The following INSR variants were observed in gnomAD, a reference collection of about 807,000 sequenced individuals.
The protein encoded by INSR is insulin receptor.
In INSR, 67 loss-of-function variants were observed where a neutral mutation model predicts 142.6. The ratio of observed to expected loss-of-function variants is 0.47; its 90% CI spans 0.39 to 0.58. The LOEUF (loss-of-function observed/expected upper bound fraction) is 0.58, where lower values mean the gene tolerates loss of function less well. Among genes scored for constraint, INSR ranks in the 20% least tolerant of loss-of-function variants. The pLI is 0.00. For synonymous variants in INSR, 756 were observed against 743.1 expected (o/e 1.02, Z -0.28); for missense variants, 1,248 against 1,833.2 (o/e 0.68, Z 5.83).
At chr19:7,162,763 T>C (rs542972754) in intron 9 of INSR, among the ~76,000 whole-genome samples, 43 of 152,082 alleles carry the variant, frequency 2.8e-4, no homozygotes, top group African/African-American at 1.0e-3. Context: ...GAGGTTGCGA[T>C]GAGCCAAGGT....
At position 7,170,530 on chromosome 19, in the gene INSR, G is replaced by A; in HGVS notation, c.1483+7C>T. On this transcript the variant is annotated splice_region_variant and intron_variant, in intron 6 of 21. Transcript: ENST00000302850. ...CATGCCAAAAAGGTTGGGGACCAGT[G>A]ACTTACAGGATGCCTGGTCCCCATT... 6.2e-7 allele frequency: 1 copy of A among 1,607,888 alleles called. No individual in the cohort carries two copies. Among genetic ancestry groups the A allele is most frequent in the East Asian group, 2.2e-5 (1 of 44,840 alleles).
chr19:7,143,420 G>A (rs1217590628), intron 11 of INSR, among the ~76,000 whole-genome samples: 1 of 152,172 alleles, frequency 6.6e-6, no homozygotes, highest in Non-Finnish European at 1.5e-5. Flanking sequence ...GCCAGCCAGG[G>A]TCAGTGACAA....
chr19:7,136,911 C>A (rs1037746447), intron 13 of INSR, among the ~76,000 whole-genome samples: 37 of 151,208 alleles, frequency 2.4e-4, no homozygotes, highest in African/African-American at 9.1e-4. Context: ...GGAATCACTG[C>A]AACCTCTGCC....
rs944635336 is a variant in INSR, at chr19:7,293,775, C to A, written c.100+17G>T. ...CATCGCGGCGCTCCCCGCCCACGCC[C>A]GCGCCCCCAGACTCACCCTCTCCGG... is the stretch of plus-strand genomic sequence containing the variant. On this transcript the variant is annotated intron_variant, in intron 1 of 21. Transcript: ENST00000302850. 7.5e-7 allele frequency: 1 copy of A among 1,334,260 alleles called. No individual in the cohort carries two copies. The allele number at this position is 1,334,260 out of a possible 1,614,324, so 82.7% of individuals were successfully genotyped here.
At chr19:7,188,617 A>G (rs1048521218) in intron 2 of INSR, among the ~76,000 whole-genome samples, 1 of 151,638 alleles carries the variant, frequency 6.6e-6, no homozygotes, top group Non-Finnish European at 1.5e-5. Context: ...GATGCTTGTA[A>G]TCCCAGCACT....
intron 16 of INSR, among the ~76,000 whole-genome samples, chr19:7,126,357 C>T (rs1461568177): frequency 6.6e-6 from 1 of 152,232 alleles, no homozygotes; most frequent in Non-Finnish European, 1.5e-5. Flanking sequence ...GCCCAAGGGT[C>T]CCAGACCGGC....
intron 2 of INSR, among the ~76,000 whole-genome samples, chr19:7,204,577 C>T (rs57585829): frequency 0.028 from 4,294 of 152,284 alleles, 192 homozygotes; most frequent in African/African-American, 0.096. Flanking sequence ...AAGTTTCCCT[C>T]TGGATCCTCA....
intron 13 of INSR, among the ~76,000 whole-genome samples, chr19:7,135,304 CTTT>C (rs34080394): frequency 0.033 from 1,973 of 59,904 alleles, 46 homozygotes; most frequent in African/African-American, 0.14. Context: ...AATGCATCTT[CTTT>C]TTTTTTTTTT....
rs766507353 is a variant in INSR at position 7,119,651 on chromosome 19, AACACACACACGCAAACGC to A, written c.3660-86_3660-69del. On this transcript the variant is annotated intron_variant, in intron 20 of 21. Coordinates refer to ENST00000302850, the MANE Select transcript of INSR (RefSeq NM_000208.4). This position sits in a 1 kb window ranked among gnomAD's most constrained non-coding sequence, Gnocchi z 5.2. Reference sequence around the variant, plus strand: ...ACACACACACACACGCGCGCGCGCAAACACACACACGCAAACGCACACACACACGCAAACACACATGCC... The same window carrying A: ...ACACACACACACACGCGCGCGCGCAAACACACACACGCAAACACACATGCC... 573 of 1,478,928 alleles carry A rather than the reference AACACACACACGCAAACGC, an allele frequency of 3.9e-4. No homozygotes were observed. Among genetic ancestry groups the A allele is most frequent in the Non-Finnish European group, 5.1e-4 (549 of 1,067,490 alleles). 91.6% of individuals were successfully genotyped at this position (1,478,928 alleles called of 1,614,324 possible).
chr19:7,289,376 G>T (rs1019091291), intron 1 of INSR, among the ~76,000 whole-genome samples: 3 of 150,810 alleles, frequency 2.0e-5, no homozygotes, highest in Non-Finnish European at 4.4e-5. Flanking sequence ...GAAAAAGCAC[G>T]TGGGTAAATG....
At chr19:7,241,491 G>A (rs562805651) in intron 2 of INSR, among the ~76,000 whole-genome samples, 18 of 151,938 alleles carry the variant, frequency 1.2e-4, no homozygotes, top group Middle Eastern at 3.4e-3. Flanking sequence ...GCATAGTGGC[G>A]TGCACCTATA....
chr19:7,125,337 C>G lies in INSR; in HGVS notation c.3204G>C (p.Arg1068=). 1 of 1,614,098 alleles carries G rather than the reference C, an allele frequency of 6.2e-7. No individual in the cohort carries two copies. The highest frequency in any genetic ancestry group is 8.5e-7 in the Non-Finnish European group (1 of 1,180,022). The change falls in exon 17 of 22, where the codon CGG becomes CGC. Residue 1068 remains arginine (R), a synonymous_variant. Transcript: ENST00000302850. This position sits in a 1 kb window ranked among gnomAD's most constrained non-coding sequence, Gnocchi z 4.9. ...TVNESASLRE[R]IEFLNEASVM... is the part of the protein sequence containing the mutation. ...CCGAGGCCTCATTGAGGAACTCAATCCGCTCTCGGAGACTGGCTGACTCGT... is the reference window on the plus strand; with the variant it reads ...CCGAGGCCTCATTGAGGAACTCAATGCGCTCTCGGAGACTGGCTGACTCGT...
At chr19:7,235,838 A>G (rs1976140873) in intron 2 of INSR, among the ~76,000 whole-genome samples, 1 of 152,098 alleles carries the variant, frequency 6.6e-6, no homozygotes, top group Non-Finnish European at 1.5e-5. Context: ...AAAAATAATA[A>G]TAACAATAAT....
At chr19:7,199,982 G>A (rs1974908840) in intron 2 of INSR, among the ~76,000 whole-genome samples, 2 of 152,102 alleles carry the variant, frequency 1.3e-5, no homozygotes, top group Non-Finnish European at 2.9e-5. Flanking sequence ...ATCACAGCAG[G>A]AGAGGAACAG....
At position 7,166,039 on chromosome 19, in the gene INSR, A is replaced by G; in HGVS notation, c.1861+115T>C. On this transcript the variant is annotated intron_variant, in intron 8 of 21. Transcript: ENST00000302850. The surrounding 1 kb of genome is among the most constrained non-coding windows in gnomAD (Gnocchi z 4.1). Reference sequence around the variant, plus strand: ...ACAAAGTAAGACCCTGTCTAAAAAAAAAAAAAAAGCCAATAACCATATCAA... The same window carrying G: ...ACAAAGTAAGACCCTGTCTAAAAAAGAAAAAAAAGCCAATAACCATATCAA... 1 of 1,244,150 alleles carries G rather than the reference A, an allele frequency of 8.0e-7. No homozygotes were observed. Among genetic ancestry groups the G allele is most frequent in the Non-Finnish European group, 1.1e-6 (1 of 879,508 alleles). The allele number at this position is 1,244,150 out of a possible 1,614,324, so 77.1% of individuals were successfully genotyped here. A position where few individuals can be genotyped will look rare whatever the true frequency, so the allele number is the denominator to read the frequency against.
At position 7,117,275 on chromosome 19, in the gene INSR, C is replaced by T. The variant is rs761757069; in HGVS notation, c.3930G>A (p.Lys1310=). 21 of 1,614,096 alleles carry T rather than the reference C, an allele frequency of 1.3e-5. No individual in the cohort carries two copies. In the Admixed American group the frequency reaches 2.5e-4, roughly 19 times the overall value. The change falls in exon 22 of 22, where the codon AAG becomes AAA. Residue 1310 remains lysine, a synonymous_variant. Coordinates refer to ENST00000302850, the MANE Select transcript of INSR (RefSeq NM_000208.4). ...TCTCCAGCTCCTCACTCTCGGGAGCCTTGTTCTCCTCGCTGTGGAAGAACG... is the reference window on the plus strand; with the variant it reads ...TCTCCAGCTCCTCACTCTCGGGAGCTTTGTTCTCCTCGCTGTGGAAGAACG... ...EVSFFHSEEN[K]APESEELEME... is the part of the protein sequence containing the mutation.
intron 2 of INSR, among the ~76,000 whole-genome samples, chr19:7,208,555 C>T (rs1975181272): frequency 6.6e-6 from 1 of 152,180 alleles, no homozygotes; most frequent in Non-Finnish European, 1.5e-5. Flanking sequence ...CTTAAGAGAA[C>T]AATTCTCAAG....
Position 7,159,911 on chromosome 19 carries a change from C to T in INSR, c.2029+3121G>A, listed in dbSNP as rs914184331. ...TCAGCCACACCTCGCCAGTGGCCCC[C>T]TGGCCTTCTCCTCCAGGGTCATGGA... On this transcript the variant is annotated intron_variant, in intron 9 of 21. Coordinates refer to ENST00000302850, the MANE Select transcript of INSR (RefSeq NM_000208.4). The surrounding 1 kb of genome is among the most constrained non-coding windows in gnomAD (Gnocchi z 4.3). Among the ~76,000 whole-genome samples the T allele has an allele frequency of 1.3e-5, 2 of 152,168 alleles. No individual in the cohort carries two copies. Among genetic ancestry groups the T allele is most frequent in the Admixed American group, 1.3e-4 (2 of 15,270 alleles).
At chr19:7,197,933 G>GTGTGTGTA (rs1974827197) in intron 2 of INSR, among the ~76,000 whole-genome samples, 1 of 140,378 alleles carries the variant, frequency 7.1e-6, no homozygotes, top group Non-Finnish European at 1.5e-5. Context: ...GTGTGTGTGT[G>GTGTGTGTA]TGTGTGTGTG....
Sources: allele counts gnomAD v4.1 joint callset (sites outside exome capture counted in the v4.1 genomes callset), GRCh38; gene constraint gnomAD v4.1.1; non-coding constraint Gnocchi (gnomAD v3.1); transcripts MANE v1.5; gene names NCBI Gene and HGNC (gene_info 2026-07-23, HGNC 2026-07-21).